The following PCDHGB1 variants were observed in gnomAD, a reference collection of about 807,000 sequenced individuals.
PCDHGB1 encodes protocadherin gamma subfamily B, 1, also known as protocadherin gamma-B1.
Under a neutral mutation model 56.6 loss-of-function variants are expected in PCDHGB1, and 34 were observed. The ratio of observed to expected loss-of-function variants is 0.60; its 90% CI spans 0.46 to 0.80. The LOEUF is 0.80. Among genes scored for constraint, PCDHGB1 ranks in the 30% least tolerant of loss-of-function variants. PCDHGB1 has a pLI of 0.00. For synonymous variants in PCDHGB1, 561 were observed against 505.9 expected (o/e 1.11, Z -1.46); for missense variants, 1,278 against 1,204.6 (o/e 1.06, Z -0.90).
intron 2 of PCDHGB1, among the ~76,000 whole-genome samples, chr5:141,501,476 A>T (rs1274017343): frequency 3.3e-5 from 5 of 152,044 alleles, no homozygotes; most frequent in Admixed American, 3.3e-4. Context: ...ATCCTGGAAG[A>T]GTCCCTCATA....
chr5:141,438,659 T>C (rs1290256383), intron 1 of PCDHGB1, among the ~76,000 whole-genome samples: 1 of 141,194 alleles, frequency 7.1e-6, no homozygotes, highest in East Asian at 2.1e-4. Flanking sequence ...CACATATATG[T>C]ATATATATAT....
chr5:141,505,298 T>C, intron 2 of PCDHGB1, 95 bp from the exon 3 acceptor site: 1 of 1,586,334 alleles, frequency 6.3e-7, no homozygotes, highest in Non-Finnish European at 8.6e-7. Flanking sequence ...GGGGTAGGGT[T>C]AGGGTACTAG....
intron 1 of PCDHGB1, chr5:141,357,533 C>A: frequency 6.2e-7 from 1 of 1,614,194 alleles, no homozygotes; most frequent in Non-Finnish European, 8.5e-7. Flanking sequence ...TATGCAGACA[C>A]GCTCATCAGC....
At chr5:141,386,934 T>C (rs568938502) in intron 1 of PCDHGB1, among the ~76,000 whole-genome samples, 1 of 152,316 alleles carries the variant, frequency 6.6e-6, no homozygotes, top group Non-Finnish European at 1.5e-5. Flanking sequence ...AGTGCAGAGG[T>C]AGGAAGCAGT....
At chr5:141,409,075 G>A (rs1416534881) in intron 1 of PCDHGB1, 2 of 1,613,904 alleles carry the variant, frequency 1.2e-6, no homozygotes, top group East Asian at 2.2e-5. Flanking sequence ...CAAAACATAT[G>A]TTCTCATTGG....
intron 1 of PCDHGB1, among the ~76,000 whole-genome samples, chr5:141,402,212 A>T (rs1282581389): frequency 6.6e-6 from 1 of 152,138 alleles, no homozygotes; most frequent in Non-Finnish European, 1.5e-5. Context: ...ACAAAAATTT[A>T]AAATAAACGT....
chr5:141,384,018 C>G, intron 1 of PCDHGB1: 1 of 1,613,740 alleles, frequency 6.2e-7, no homozygotes, highest in Non-Finnish European at 8.5e-7. Context: ...ACCTACAAGA[C>G]AGAGATTCTG....
In PCDHGB1 at chr5:141,360,972, C is replaced by T. The variant is rs746958816; in HGVS notation, c.2409+8303C>T. On this transcript the variant is annotated intron_variant, in intron 1 of 3. Coordinates refer to ENST00000523390, the MANE Select transcript of PCDHGB1 (RefSeq NM_018922.3). The stretch of plus-strand genomic sequence containing the variant: ...AAGGCATAAACGCAGAGATCACCTA[C>T]TCCTTTCATAATGTGGACGAACAAG... 1.1e-5 allele frequency: 18 copies of T among 1,613,750 alleles called. No individual in the cohort carries two copies. In the East Asian group the frequency reaches 3.1e-4, roughly 28 times the overall value.
Position 141,484,647 on chromosome 5 carries a change from G to A in PCDHGB1, c.2410-10160G>A, listed in dbSNP as rs556711906. Among the ~76,000 whole-genome samples, 104 of 152,066 alleles carry A rather than the reference G, an allele frequency of 6.8e-4. 3 individuals carry two copies. Among genetic ancestry groups the A allele is most frequent in the East Asian group, 1.2e-3 (6 of 5,166 alleles). ...TGAACAAAGTGACCACTCTCCAATG[G>A]CTACTCTCCCTCTCAGTGGGCCGCA... On this transcript the variant is annotated intron_variant, in intron 1 of 3. Transcript: ENST00000523390.
chr5:141,483,303 T>A (rs1222660132), intron 1 of PCDHGB1, among the ~76,000 whole-genome samples: 1 of 152,146 alleles, frequency 6.6e-6, no homozygotes, highest in Non-Finnish European at 1.5e-5. Context: ...GTGAAGGGAC[T>A]GGGGACATTG....
chr5:141,438,811 G>T (rs2098067148), intron 1 of PCDHGB1, among the ~76,000 whole-genome samples: 1 of 149,790 alleles, frequency 6.7e-6, no homozygotes, highest in East Asian at 2.0e-4. Context: ...ACAGGCGCCT[G>T]TCACCATGCC....
chr5:141,435,897 A>G (rs1206255678), intron 1 of PCDHGB1, among the ~76,000 whole-genome samples: 2 of 152,166 alleles, frequency 1.3e-5, no homozygotes, highest in East Asian at 1.9e-4. Context: ...TAGAGAATGA[A>G]AGACATCCAA....
At chr5:141,375,557 G>A in intron 1 of PCDHGB1, 1 of 1,613,988 alleles carries the variant, frequency 6.2e-7, no homozygotes, top group Non-Finnish European at 8.5e-7. Context: ...CTACTCACTG[G>A]CAGAAGACAC....
intron 1 of PCDHGB1, chr5:141,415,818 A>G: frequency 2.3e-6 from 3 of 1,325,056 alleles, no homozygotes; most frequent in Middle Eastern, 2.8e-4. Context: ...CCTATATATC[A>G]TAAGGCTTTG....
intron 1 of PCDHGB1, among the ~76,000 whole-genome samples, chr5:141,368,620 T>A (rs1220390721): frequency 1.3e-5 from 2 of 152,198 alleles, no homozygotes; most frequent in Non-Finnish European, 2.9e-5. Context: ...TTTGGGTACA[T>A]TTCTTCTGAG....
chr5:141,374,885 G>C, intron 1 of PCDHGB1: 1 of 1,613,634 alleles, frequency 6.2e-7, no homozygotes, highest in Non-Finnish European at 8.5e-7. Flanking sequence ...GACTGCCACC[G>C]ACCAGGATGA....
chr5:141,399,314 A>G, intron 1 of PCDHGB1: 1 of 1,613,988 alleles, frequency 6.2e-7, no homozygotes, highest in African/African-American at 1.3e-5. Flanking sequence ...TCATCCAAAA[A>G]TTCGTATAAG....
intron 1 of PCDHGB1, chr5:141,389,331 G>C (rs1212558688): frequency 6.2e-7 from 1 of 1,613,868 alleles, no homozygotes; most frequent in Non-Finnish European, 8.5e-7. Flanking sequence ...GGGGCCCAAC[G>C]GCCAAGTCTC....
intron 2 of PCDHGB1, among the ~76,000 whole-genome samples, chr5:141,496,856 G>A (rs1324235700): frequency 6.7e-6 from 1 of 150,206 alleles, no homozygotes; most frequent in African/African-American, 2.5e-5. Context: ...CAGACCAGCA[G>A]AGGAGACTGA....
Sources: gnomAD v4.1 joint callset for allele counts (sites outside exome capture counted in the v4.1 genomes callset) on GRCh38, gnomAD v4.1.1 for gene constraint, MANE v1.5 for transcripts, NCBI Gene and HGNC (gene_info 2026-07-23, HGNC 2026-07-21) for gene names.